Variants in CLIP2 observed in about 807,000 individuals in gnomAD.
CLIP2 encodes CAP-Gly domain containing linker protein 2.
In CLIP2, 41 loss-of-function variants were observed where a neutral mutation model predicts 111.7. The ratio of observed to expected loss-of-function variants is 0.37; its 90% CI spans 0.29 to 0.48. The LOEUF is 0.48. Ranked by LOEUF, CLIP2 falls within the 20% of genes least tolerant of loss-of-function variation. The pLI is 0.99. For synonymous variants in CLIP2, 660 were observed against 644.2 expected, an observed-to-expected ratio of 1.02 and a Z score of -0.37; for missense variants, 1,160 against 1,422.1, an observed-to-expected ratio of 0.82 and a Z score of 2.96.
At chr7:74,343,123 G>A (rs1314656529) in intron 3 of CLIP2, among the ~76,000 whole-genome samples, 2 of 151,876 alleles carry the variant, frequency 1.3e-5, no homozygotes, top group Admixed American at 1.3e-4. Context: ...AGGAGGCGGA[G>A]GTTGCAGTGA....
At chr7:74,360,643 A>G (rs1584359625) in intron 7 of CLIP2, among the ~76,000 whole-genome samples, 1 of 152,092 alleles carries the variant, frequency 6.6e-6, no homozygotes, top group East Asian at 1.9e-4. Context: ...CTTGACCTCC[A>G]GGGTTCAAGT....
chr7:74,364,993 T>TTTTG (rs1491163760), intron 8 of CLIP2: 9 of 264,842 alleles, frequency 3.4e-5, no homozygotes, highest in Non-Finnish European at 6.7e-5. Flanking sequence ...CTGTTTTTTG[T>TTTTG]TGTGTGTGTG....
chr7:74,364,493 GC>G (rs1356366346), intron 8 of CLIP2, among the ~76,000 whole-genome samples, 178 bp downstream of exon 8: 10 of 152,142 alleles, frequency 6.6e-5, no homozygotes, highest in Admixed American at 6.6e-4. Context: ...AGCCCCAGGA[GC>G]CCCCCAGGGA....
At position 74,315,872 on chromosome 7, in the gene CLIP2, C is replaced by CT. The variant is rs202020183; in HGVS notation, c.-67-1592dup. The stretch of plus-strand genomic sequence containing the variant: ...CAGGCGTGAGCCACCTCTCCCAGCC[C>CT]TTTTTTTTTTTTTTTTAAATTTTAA... On this transcript the variant is annotated intron_variant, in intron 1 of 16. Transcript: ENST00000223398. Among the ~76,000 whole-genome samples the CT allele has an allele frequency of 2.9e-3, 414 of 142,814 alleles. 2 individuals carry two copies. Among genetic ancestry groups the CT allele is most frequent in the East Asian group, 5.3e-3 (26 of 4,944 alleles). 93.7% of individuals were successfully genotyped at this position (142,814 alleles called of 152,430 possible).
rs199654336 is a variant in CLIP2, at chr7:74,386,620, G to A, written c.2563+16G>A. On this transcript the variant is annotated intron_variant, in intron 12 of 16. Coordinates refer to ENST00000223398, the MANE Select transcript of CLIP2 (RefSeq NM_003388.5). ...CAAGTAAGTGGTAAGTCTCCCTCCC[G>A]CAGGGCAGATGCGGGGGGCTTTCAC... The A allele has an allele frequency of 1.3e-4, 211 of 1,588,602 alleles. No individual in the cohort carries two copies. In the African/African-American group the frequency reaches 1.5e-3, roughly 12 times the overall value.
chr7:74,403,930 C>A lies in CLIP2; in HGVS notation c.*82C>A. 6.9e-7 allele frequency: 1 copy of A among 1,442,870 alleles called. No individual in the cohort carries two copies. Among genetic ancestry groups the A allele is most frequent in the Non-Finnish European group, 9.7e-7 (1 of 1,030,238 alleles). 89.4% of individuals were successfully genotyped at this position (1,442,870 alleles called of 1,614,324 possible). A position where few individuals can be genotyped will look rare whatever the true frequency, so the allele number is the denominator to read the frequency against. On this transcript the variant is annotated 3_prime_UTR_variant, in exon 17 of 17. Coordinates refer to ENST00000223398, the MANE Select transcript of CLIP2 (RefSeq NM_003388.5). ...CGGCAGTACCTCCTCCAGGCAGGAG[C>A]CGGGACTGTCACTTTGGAGACAAAA...
At chr7:74,323,414 T>C (rs555350224) in intron 2 of CLIP2, among the ~76,000 whole-genome samples, 2 of 151,698 alleles carry the variant, frequency 1.3e-5, no homozygotes, top group East Asian at 3.9e-4. Flanking sequence ...ATCTTTTTTT[T>C]TCCTTTTCTT....
chr7:74,353,048 G>A (rs547874259), intron 3 of CLIP2, among the ~76,000 whole-genome samples: 19 of 152,162 alleles, frequency 1.2e-4, no homozygotes, highest in Admixed American at 3.3e-4. Flanking sequence ...CTACTCAGGA[G>A]GCTGAGGTGG....
chr7:74,329,046 G>A (rs1003983868), intron 2 of CLIP2, among the ~76,000 whole-genome samples: 15 of 146,368 alleles, frequency 1.0e-4, no homozygotes, highest in African/African-American at 1.5e-4. Context: ...CCAAGTAACC[G>A]TTAGGCACCC....
intron 3 of CLIP2, among the ~76,000 whole-genome samples, chr7:74,346,718 CAAAAAAAAAAAAAA>C (rs1214324954): frequency 1.4e-4 from 8 of 56,026 alleles, no homozygotes; most frequent in African/African-American, 6.5e-4. Context: ...GTAAGATTCT[CAAAAAAAAAAAAAA>C]AAAAAAAAAA....
intron 8 of CLIP2, among the ~76,000 whole-genome samples, chr7:74,372,091 C>A (rs1554311976): frequency 6.6e-6 from 1 of 152,154 alleles, no homozygotes; most frequent in African/African-American, 2.4e-5. Flanking sequence ...TCCCAATGTC[C>A]TCACCCTCCC....
chr7:74,342,720 C>G (rs1364140862), intron 3 of CLIP2, among the ~76,000 whole-genome samples: 1 of 152,086 alleles, frequency 6.6e-6, no homozygotes, highest in Non-Finnish European at 1.5e-5. Flanking sequence ...TCAAGACCAG[C>G]CTGGGCAACA....
chr7:74,367,445 C>T (rs1160209787), intron 8 of CLIP2, among the ~76,000 whole-genome samples: 1 of 152,230 alleles, frequency 6.6e-6, no homozygotes, highest in Non-Finnish European at 1.5e-5. Context: ...CCGCCTCAGA[C>T]TCCCAGACTG....
intron 1 of CLIP2, among the ~76,000 whole-genome samples, 167 bp downstream of exon 1, chr7:74,289,901 A>T (rs1474842108): frequency 2.0e-5 from 3 of 151,114 alleles, no homozygotes; most frequent in Non-Finnish European, 4.4e-5. Flanking sequence ...CGTGGGCGGG[A>T]GCTGGCTGGG....
At chr7:74,336,016 AC>A (rs1789443997) in intron 2 of CLIP2, among the ~76,000 whole-genome samples, 1 of 26,628 alleles carries the variant, frequency 3.8e-5, no homozygotes, top group Non-Finnish European at 2.1e-4. Context: ...TGCTGGGATT[AC>A]AGGCGTAAGC....
At chr7:74,393,145 C>T (rs1554316132) in intron 13 of CLIP2, among the ~76,000 whole-genome samples, 1 of 151,310 alleles carries the variant, frequency 6.6e-6, no homozygotes, top group Non-Finnish European at 1.5e-5. Flanking sequence ...AAGCGATTCT[C>T]CTGCCTCAGC....
chr7:74,301,747 C>G (rs1430569484), intron 1 of CLIP2, among the ~76,000 whole-genome samples: 1 of 150,638 alleles, frequency 6.6e-6, no homozygotes, highest in Non-Finnish European at 1.5e-5. Context: ...GAGTCTTGCT[C>G]TGTTGCTAAG....
In CLIP2 at chr7:74,401,561, A is replaced by G. The variant is rs781853085; in HGVS notation, c.3123A>G (p.Lys1041=). 6.2e-7 allele frequency: 1 copy of G among 1,613,950 alleles called. No homozygotes were observed. The highest frequency in any genetic ancestry group is 1.7e-5 in the Admixed American group (1 of 59,990). ...NGIHQQDKAQ[K]QEDKH is the part of the protein sequence containing the mutation. ...TCCACCAGCAGGACAAAGCTCAGAA[A>G]CAAGAGGTGAGGGGCGCCTCGGGCC... The change falls in exon 16 of 17, where the codon AAA becomes AAG. Residue 1041 remains lysine, a synonymous_variant. Transcript: ENST00000223398.
chr7:74,364,902 G>C, intron 8 of CLIP2: 1 of 455,238 alleles, frequency 2.2e-6, no homozygotes, highest in Non-Finnish European at 4.4e-6. Flanking sequence ...GTGCACCTGT[G>C]GTCCCAGCTA....
Sources: allele counts gnomAD v4.1 joint callset (sites outside exome capture counted in the v4.1 genomes callset), GRCh38; gene constraint gnomAD v4.1.1; transcripts MANE v1.5; gene names NCBI Gene and HGNC (gene_info 2026-07-23, HGNC 2026-07-21).